Variants in FRAS1 observed in about 807,000 individuals in gnomAD.
FRAS1 encodes the protein extracellular matrix organizing protein FRAS1.
Under a neutral mutation model 435.2 loss-of-function variants are expected in FRAS1, and 290 were observed. The observed-to-expected ratio is 0.67, with a 90% confidence interval of 0.61 to 0.73. The LOEUF is 0.73. Ranked by LOEUF, FRAS1 falls within the 30% of genes least tolerant of loss-of-function variation. The probability of loss-of-function intolerance (pLI) is 0.00; values close to 1 mark genes in which losing one functional copy is unlikely to be tolerated. For synonymous variants in FRAS1, 1,800 were observed against 1,851.0 expected (o/e 0.97, Z 0.71); for missense variants, 4,860 against 5,001.5 (o/e 0.97, Z 0.85).
At position 78,541,641 on chromosome 4, in the gene FRAS1, T is replaced by TG. The variant is rs1722055663; in HGVS notation, c.*517_*518insG. 6.6e-6 allele frequency: 1 copy of TG among 152,172 alleles called. No individual in the cohort carries two copies. The highest frequency in any genetic ancestry group is 1.5e-5 in the Non-Finnish European group (1 of 68,092). The allele number at this position is 152,172 out of a possible 1,614,324, so 9.4% of individuals were successfully genotyped here. A position where few individuals can be genotyped will look rare whatever the true frequency, so the allele number is the denominator to read the frequency against. Reference sequence around the variant, plus strand: ...CACAACACATATATTTGCTCATGATTTCACTTGACAGCGTATGCTCCTTGG... The same window carrying TG: ...CACAACACATATATTTGCTCATGATTGTCACTTGACAGCGTATGCTCCTTGG... On this transcript the variant is annotated 3_prime_UTR_variant, in exon 74 of 74. Transcript: ENST00000512123.
In FRAS1 at chr4:78,286,495, C is replaced by T; in HGVS notation, c.1490C>T (p.Pro497Leu). The change falls in exon 14 of 74, where the codon CCT (proline) becomes CTT (leucine). Residue 497 changes from proline to leucine, a missense_variant. Physicochemically the swap from Pro to Leu is moderately conservative, Grantham distance 98. Coordinates refer to ENST00000512123, the MANE Select transcript of FRAS1 (RefSeq NM_025074.7). ...PLLMRHGQCV[P>L]TCGDGFYQDR... ...CTGATGCGGCACGGGCAGTGTGTGC[C>T]TACCTGTGGGGACGGCTTCTACCAA... 1.2e-6 allele frequency: 2 copies of T among 1,613,682 alleles called. No homozygotes were observed. Among genetic ancestry groups the T allele is most frequent in the Non-Finnish European group, 1.7e-6 (2 of 1,179,892 alleles).
intron 35 of FRAS1, among the ~76,000 whole-genome samples, chr4:78,426,994 A>T (rs555412041): frequency 6.6e-6 from 1 of 152,188 alleles, no homozygotes; most frequent in Non-Finnish European, 1.5e-5. Context: ...TAAAATAAGG[A>T]TGTTGAAAGC....
At chr4:78,149,694 A>G (rs1045701235) in intron 2 of FRAS1, among the ~76,000 whole-genome samples, 1 of 152,134 alleles carries the variant, frequency 6.6e-6, no homozygotes, top group Non-Finnish European at 1.5e-5. Flanking sequence ...GGAATATTCC[A>G]TTCTTCATTG....
rs185773822 is a variant in FRAS1 at position 78,443,934 on chromosome 4, G to A, written c.5666-1588G>A. Among the ~76,000 whole-genome samples the A allele has an allele frequency of 1.5e-3, 234 of 151,996 alleles. 1 individual carries two copies. The highest frequency in any genetic ancestry group is 4.4e-3 in the African/African-American group (184 of 41,436). ...CATAATCACTACTCACTGTAGCCTC[G>A]ACCTCCCAGGCTCAAGTGATTCTCC... On this transcript the variant is annotated intron_variant, in intron 41 of 73. Coordinates refer to ENST00000512123, the MANE Select transcript of FRAS1 (RefSeq NM_025074.7).
intron 2 of FRAS1, among the ~76,000 whole-genome samples, chr4:78,094,032 G>A (rs1462878751): frequency 6.6e-6 from 1 of 151,170 alleles, no homozygotes; most frequent in Non-Finnish European, 1.5e-5. Flanking sequence ...CAGACTACCT[G>A]GAAATCACCG....
At chr4:78,208,053 G>T (rs1156888121) in intron 2 of FRAS1, among the ~76,000 whole-genome samples, 6 of 152,132 alleles carry the variant, frequency 3.9e-5, no homozygotes, top group African/African-American at 1.4e-4. Flanking sequence ...GCAGGACCCA[G>T]GAGACACCGC....
intron 7 of FRAS1, among the ~76,000 whole-genome samples, chr4:78,265,687 T>G (rs1373858506): frequency 4.6e-5 from 7 of 152,134 alleles, no homozygotes; most frequent in Non-Finnish European, 8.8e-5. Flanking sequence ...AATGAATGAG[T>G]GAATGTTCTG....
chr4:78,264,496 T>C (rs1294542337), intron 6 of FRAS1, among the ~76,000 whole-genome samples: 2 of 152,164 alleles, frequency 1.3e-5, no homozygotes, highest in Non-Finnish European at 2.9e-5. Flanking sequence ...AAAATAATAG[T>C]GAAGTAGCTT....
chr4:78,452,478 C>A, intron 47 of FRAS1, 124 bp downstream of exon 47: 1 of 726,852 alleles, frequency 1.4e-6, no homozygotes, highest in Non-Finnish European at 2.2e-6. Flanking sequence ...TTCTGCCTCA[C>A]TAATTTTGAC....
At chr4:78,425,994 G>A (rs1385807952) in intron 35 of FRAS1, among the ~76,000 whole-genome samples, 1 of 152,142 alleles carries the variant, frequency 6.6e-6, no homozygotes, top group Non-Finnish European at 1.5e-5. Context: ...GAAGGCTGAG[G>A]TGGGAGGATT....
intron 29 of FRAS1, among the ~76,000 whole-genome samples, chr4:78,391,791 A>G (rs1732454731): frequency 6.6e-6 from 1 of 152,172 alleles, no homozygotes; most frequent in East Asian, 1.9e-4. Context: ...GTGTACAGAT[A>G]AATAGCCCTG....
chr4:78,428,392 G>C lies in FRAS1; in HGVS notation c.4712-703G>C, dbSNP rs535339008. 2.8e-4 allele frequency among the ~76,000 whole-genome samples: 43 copies of C among 151,776 alleles called. 1 individual carries two copies. The South Asian group carries it at 4.0e-3, about 14-fold the overall frequency. On this transcript the variant is annotated intron_variant, in intron 35 of 73. Transcript: ENST00000512123. ...GGCTGGAGTGCAGTGGTGCAATCTC[G>C]GCTCACTGCAAGCTCCGCCTCCCAG... is the stretch of plus-strand genomic sequence containing the variant.
rs146768448 is a variant in FRAS1 at position 78,364,319 on chromosome 4, C to A, written c.2722+265C>A. 4.6e-5 allele frequency among the ~76,000 whole-genome samples: 7 copies of A among 152,304 alleles called. No individual in the cohort carries two copies. In the East Asian group the frequency reaches 1.3e-3, roughly 29 times the overall value. Reference sequence around the variant, plus strand: ...TGATCTTGGGCAGGTTATTTAACTTCTCTGTCCAGGTTATCTCATTTAAAA... The same window carrying A: ...TGATCTTGGGCAGGTTATTTAACTTATCTGTCCAGGTTATCTCATTTAAAA... On this transcript the variant is annotated intron_variant, in intron 22 of 73. Coordinates refer to ENST00000512123, the MANE Select transcript of FRAS1 (RefSeq NM_025074.7).
chr4:78,346,046 A>G (rs1429480735), intron 20 of FRAS1, among the ~76,000 whole-genome samples: 1 of 152,176 alleles, frequency 6.6e-6, no homozygotes, highest in Non-Finnish European at 1.5e-5. Context: ...AATTGCAGAG[A>G]AAGTTTTTGT....
At chr4:78,365,500 C>T (rs115150194) in intron 22 of FRAS1, among the ~76,000 whole-genome samples, 1,978 of 152,078 alleles carry the variant, frequency 0.013, 17 homozygotes, top group Middle Eastern at 0.034. Flanking sequence ...AAAATAGAAT[C>T]CATTGTATGA....
At chr4:78,116,564 G>T (rs1743193445) in intron 2 of FRAS1, among the ~76,000 whole-genome samples, 1 of 152,174 alleles carries the variant, frequency 6.6e-6, no homozygotes, top group African/African-American at 2.4e-5. Flanking sequence ...TTGTTGAATT[G>T]ATCCCTTTAC....
At position 78,284,541 on chromosome 4, in the gene FRAS1, C is replaced by A; in HGVS notation, c.1392C>A (p.Leu464=). ...CGLGFYQAGS[L]CLACQPQCST... Reference sequence around the variant, plus strand: ...TGGGTTTTTACCAAGCTGGCAGTCTCTGTTTAGGTATGGCTCCAAGTGGAC... The same window carrying A: ...TGGGTTTTTACCAAGCTGGCAGTCTATGTTTAGGTATGGCTCCAAGTGGAC... The change falls in exon 13 of 74, where the codon CTC becomes CTA. Residue 464 remains leucine, a synonymous_variant. Transcript: ENST00000512123. The A allele has an allele frequency of 6.2e-7, 1 of 1,610,604 alleles. No homozygotes were observed. Among genetic ancestry groups the A allele is most frequent in the Non-Finnish European group, 8.5e-7 (1 of 1,178,402 alleles).
intron 65 of FRAS1, among the ~76,000 whole-genome samples, chr4:78,515,273 A>C (rs1240958476): frequency 6.6e-6 from 1 of 151,438 alleles, no homozygotes; most frequent in Non-Finnish European, 1.5e-5. Context: ...TCCCCCGACA[A>C]GAGTTCAGAA....
rs1720853679 is a variant in FRAS1, at chr4:78,506,642, C to T, written c.9317-779C>T. Among the ~76,000 whole-genome samples, 5 of 152,270 alleles carry T rather than the reference C, an allele frequency of 3.3e-5. No individual in the cohort carries two copies. In the South Asian group the frequency reaches 1.0e-3, roughly 32 times the overall value. On this transcript the variant is annotated intron_variant, in intron 61 of 73. Transcript: ENST00000512123. The stretch of plus-strand genomic sequence containing the variant: ...TTTGGGCAGGCGTGTCCCATTTTTC[C>T]AGGTACAGTCTGTCACGGCTTCCCT...
Sources: allele counts gnomAD v4.1 joint callset (sites outside exome capture counted in the v4.1 genomes callset), GRCh38; gene constraint gnomAD v4.1.1; transcripts MANE v1.5; gene names NCBI Gene and HGNC (gene_info 2026-07-23, HGNC 2026-07-21).